PTPRN: variants seen among roughly 807,000 people sequenced by gnomAD.
The protein encoded by PTPRN is receptor-type tyrosine-protein phosphatase-like N.
PTPRN carries 70 observed loss-of-function variants against 108.5 expected under a neutral mutation model. The observed-to-expected ratio is 0.65, with a 90% CI of 0.53 to 0.79. The LOEUF (loss-of-function observed/expected upper bound fraction) is 0.79, where lower values mean the gene tolerates loss of function less well. Among genes scored for constraint, PTPRN ranks in the 30% least tolerant of loss-of-function variants. The pLI, the probability that PTPRN is intolerant of heterozygous loss-of-function variation, is 0.00. For synonymous variants in PTPRN, 496 were observed against 524.6 expected, an observed-to-expected ratio of 0.95 and a Z score of 0.75; for missense variants, 1,136 against 1,295.5, an observed-to-expected ratio of 0.88 and a Z score of 1.89.
At chr2:219,305,443 A>T (rs1270755264) in intron 3 of PTPRN, among the ~76,000 whole-genome samples, 2 of 152,000 alleles carry the variant, frequency 1.3e-5, no homozygotes, top group African/African-American at 2.4e-5. Context: ...AGGTTTCACC[A>T]TGTTGGTCAG....
intron 19 of PTPRN, 101 bp downstream of exon 19, chr2:219,294,874 G>A (rs1952143619): frequency 2.4e-6 from 3 of 1,230,668 alleles, no homozygotes; most frequent in East Asian, 3.1e-5. Context: ...GTCAGAGGCC[G>A]AGGCTCCAGG....
intron 19 of PTPRN, chr2:219,292,999 G>C (rs913091804): frequency 4.6e-5 from 7 of 152,146 alleles, no homozygotes; most frequent in East Asian, 1.9e-4. Context: ...CCACAAAACC[G>C]GTCCCTTGTG....
intron 12 of PTPRN, 41 bp downstream of exon 12, chr2:219,299,006 G>A (rs763126561): frequency 2.6e-5 from 42 of 1,609,838 alleles, no homozygotes; most frequent in Non-Finnish European, 3.5e-5. Context: ...GACAACATCA[G>A]CCCTCTGGGG....
intron 3 of PTPRN, among the ~76,000 whole-genome samples, chr2:219,305,832 G>T (rs768099485): frequency 3.3e-5 from 5 of 152,128 alleles, no homozygotes; most frequent in Non-Finnish European, 5.9e-5. Context: ...CATCTCCACT[G>T]ATTCAGTTAT....
rs761108993 is a variant in PTPRN, at chr2:219,302,399, G to A, written c.732C>T (p.Phe244=). 32 of 1,614,032 alleles carry A rather than the reference G, an allele frequency of 2.0e-5. No homozygotes were observed. Among genetic ancestry groups the A allele is most frequent in the Non-Finnish European group, 2.6e-5 (31 of 1,179,990 alleles). ...PLPKAEAPAL[F]SRTASKGIFG... ...ATATGCCCTTGGAGGCAGTTCTGCT[G>A]AAGAGGGCAGGGGCTTCAGCCTTGG... is the stretch of plus-strand genomic sequence containing the variant. Residue 244 remains phenylalanine (F), a synonymous_variant, in exon 6 of 23, where the codon TTC becomes TTT. Transcript: ENST00000295718.
chr2:219,300,847 G>T, intron 8 of PTPRN, 96 bp downstream of exon 8: 2 of 1,382,832 alleles, frequency 1.4e-6, no homozygotes, highest in South Asian at 1.2e-5. Flanking sequence ...GGGGTGGGAG[G>T]ATACAGATTC....
chr2:219,302,055 G>A (rs1358408424), intron 6 of PTPRN, 82 bp downstream of exon 6: 34 of 1,253,378 alleles, frequency 2.7e-5, no homozygotes, highest in Middle Eastern at 3.9e-4. Context: ...GTTAACAAAC[G>A]CATAGATTGT....
intron 6 of PTPRN, 133 bp from the exon 7 acceptor site, chr2:219,301,852 C>T: frequency 8.4e-7 from 1 of 1,184,676 alleles, no homozygotes; most frequent in Non-Finnish European, 1.2e-6. Context: ...CAAGAGATGC[C>T]CTCCCTTTCC....
intron 19 of PTPRN, among the ~76,000 whole-genome samples, chr2:219,294,566 G>T (rs77242849): frequency 6.9e-6 from 1 of 145,222 alleles, no homozygotes; most frequent in Non-Finnish European, 1.5e-5. Context: ...GAGAGACGGA[G>T]GGGGCAGCAA....
Position 219,302,265 on chromosome 2 carries a change from C to G in PTPRN, c.866G>C (p.Ser289Thr). The stretch of plus-strand genomic sequence containing the variant: ...TGGCAGCCTTGGCACCCTGGCCCTG[C>G]TGGGTGCTGGCAACTCCTGGGCCAG... Reference protein sequence around the residue: ...LYLAQELPAPSRARVPRLPEQ... With the variant: ...LYLAQELPAPTRARVPRLPEQ... The change falls in exon 6 of 23, where the codon AGC becomes ACC. Residue 289 changes from serine (S) to threonine (T), a missense_variant. Coordinates refer to ENST00000295718, the MANE Select transcript of PTPRN (RefSeq NM_002846.4). The G allele has an allele frequency of 1.9e-6, 3 of 1,614,200 alleles. No homozygotes were observed. The highest frequency in any genetic ancestry group is 1.7e-6 in the Non-Finnish European group (2 of 1,180,018).
intron 1 of PTPRN, 147 bp from the exon 2 acceptor site, chr2:219,307,989 G>T: frequency 4.1e-6 from 3 of 733,082 alleles, no homozygotes; most frequent in Non-Finnish European, 6.9e-6. Flanking sequence ...TAGGAATCAG[G>T]CCTGAATTTC....
chr2:219,305,526 C>T (rs907485614), intron 3 of PTPRN, among the ~76,000 whole-genome samples: 1 of 152,128 alleles, frequency 6.6e-6, no homozygotes, highest in Admixed American at 6.6e-5. Flanking sequence ...TAGGTGTGAG[C>T]CACTATACCT....
At position 219,296,251 on chromosome 2, in the gene PTPRN, C is replaced by A. The variant is rs967972847; in HGVS notation, c.2483G>T (p.Gly828Val). 6 of 1,614,034 alleles carry A rather than the reference C, an allele frequency of 3.7e-6. No homozygotes were observed. In the African/African-American group the frequency reaches 6.7e-5, roughly 18 times the overall value. Residue 828 changes from glycine (G) to valine (V), a missense_variant, in exon 18 of 23, where the codon GGT becomes GTT. Transcript: ENST00000295718. The surrounding 1 kb of genome is among the most constrained non-coding windows in gnomAD (Gnocchi z 6.0). ...CTCATATACGTGGTAGAGGGAGGCA[C>A]CCTCATCTGGCCAGTAGCGGTCACA... ...KQCDRYWPDEGASLYHVYEVN... is the reference protein window; with the variant it reads ...KQCDRYWPDEVASLYHVYEVN...
Position 219,296,038 on chromosome 2 carries a change from A to C in PTPRN, c.2508+188T>G. On this transcript the variant is annotated intron_variant, in intron 18 of 22. Coordinates refer to ENST00000295718, the MANE Select transcript of PTPRN (RefSeq NM_002846.4). This position sits in a 1 kb window ranked among gnomAD's most constrained non-coding sequence, Gnocchi z 6.0. ...CTGTAAACAGGACACACACATGTAT[A>C]TATGTGAATATATGGGTATGCATAT... is the stretch of plus-strand genomic sequence containing the variant. 1.4e-6 allele frequency: 1 copy of C among 740,416 alleles called. No homozygotes were observed. The highest frequency in any genetic ancestry group is 2.2e-6 in the Non-Finnish European group (1 of 459,466). The allele number at this position is 740,416 out of a possible 1,614,324, so 45.9% of individuals were successfully genotyped here. A position where few individuals can be genotyped will look rare whatever the true frequency, so the allele number is the denominator to read the frequency against.
At chr2:219,302,959 A>C in intron 4 of PTPRN, 122 bp from the exon 5 acceptor site, 1 of 1,082,398 alleles carries the variant, frequency 9.2e-7, no homozygotes. Flanking sequence ...CTCTTTAGAA[A>C]CTGAGTGACC....
intron 3 of PTPRN, among the ~76,000 whole-genome samples, chr2:219,304,483 C>T (rs550872155): frequency 6.6e-6 from 1 of 152,290 alleles, no homozygotes; most frequent in African/African-American, 2.4e-5. Context: ...CTGTTTGACT[C>T]TTTCCCCCAA....
At chr2:219,303,999 A>G in intron 3 of PTPRN, 168 bp from the exon 4 acceptor site, 1 of 502,936 alleles carries the variant, frequency 2.0e-6, no homozygotes, top group Admixed American at 3.9e-5. Flanking sequence ...ACCCTCAGGT[A>G]CAGCTATTGG....
intron 8 of PTPRN, chr2:219,300,553 G>A (rs1952320748): frequency 2.2e-6 from 1 of 463,520 alleles, no homozygotes; most frequent in Non-Finnish European, 3.8e-6. Context: ...AGACAAACAG[G>A]CAGGCGATGG....
intron 19 of PTPRN, among the ~76,000 whole-genome samples, chr2:219,294,562 C>T (rs958956687): frequency 7.2e-6 from 1 of 138,566 alleles, no homozygotes; most frequent in Non-Finnish European, 1.5e-5. Flanking sequence ...GAGTGAGAGA[C>T]GGAGGGGGCA....
Sources: allele counts gnomAD v4.1 joint callset (sites outside exome capture counted in the v4.1 genomes callset), GRCh38; gene constraint gnomAD v4.1.1; non-coding constraint Gnocchi (gnomAD v3.1); transcripts MANE v1.5; gene names NCBI Gene and HGNC (gene_info 2026-07-23, HGNC 2026-07-21).